The following PLPPR1 variants were observed in gnomAD, a reference collection of about 807,000 sequenced individuals.
The protein encoded by PLPPR1 is phospholipid phosphatase-related protein type 1.
PLPPR1 carries 10 observed loss-of-function variants against 33.1 expected under a neutral mutation model. The ratio of observed to expected loss-of-function variants is 0.30; its 90% CI spans 0.19 to 0.51. The LOEUF (loss-of-function observed/expected upper bound fraction) is 0.51. Ranked by LOEUF, PLPPR1 falls within the 20% of genes least tolerant of loss-of-function variation. The probability of loss-of-function intolerance (pLI) is 0.97; values close to 1 mark genes in which losing one functional copy is unlikely to be tolerated. For synonymous variants in PLPPR1, 151 were observed against 151.0 expected (o/e 1.00, Z 0.00); for missense variants, 304 against 408.1 (o/e 0.74, Z 2.20).
chr9:101,314,697 GA>G (rs1371334661), intron 6 of PLPPR1, among the ~76,000 whole-genome samples: 1 of 150,738 alleles, frequency 6.6e-6, no homozygotes, highest in Non-Finnish European at 1.5e-5. Flanking sequence ...ATGTGCTGTT[GA>G]AAAAATGGTG....
At chr9:101,194,129 G>A (rs985217911) in intron 2 of PLPPR1, among the ~76,000 whole-genome samples, 51 of 152,232 alleles carry the variant, frequency 3.4e-4, no homozygotes, top group Non-Finnish European at 7.1e-4. Context: ...CTCCTTTGAC[G>A]TCTATAACTG....
chr9:101,145,843 CAA>C (rs60592500), intron 1 of PLPPR1, among the ~76,000 whole-genome samples: 81,927 of 128,004 alleles, frequency 0.64, 26,287 homozygotes, highest in Non-Finnish European at 0.72. Flanking sequence ...CTATTTCTAC[CAA>C]AAAAAAAAAA....
At chr9:101,287,682 G>T (rs1828418647) in intron 4 of PLPPR1, among the ~76,000 whole-genome samples, 1 of 151,996 alleles carries the variant, frequency 6.6e-6, no homozygotes, top group Non-Finnish European at 1.5e-5. Context: ...TGCATTTTTA[G>T]TAGAGACGAG....
intron 2 of PLPPR1, among the ~76,000 whole-genome samples, chr9:101,219,512 A>G (rs1325798571): frequency 1.3e-5 from 2 of 152,200 alleles, no homozygotes; most frequent in Admixed American, 6.5e-5. Context: ...AGAATTTGCA[A>G]ATTCTCTCAG....
chr9:101,244,642 A>G (rs1484367480), intron 2 of PLPPR1, among the ~76,000 whole-genome samples: 7 of 151,980 alleles, frequency 4.6e-5, no homozygotes, highest in African/African-American at 1.7e-4. Context: ...ATTTGCACAT[A>G]TAAGTCTCTA....
At chr9:101,137,282 G>T (rs1831388464) in intron 1 of PLPPR1, among the ~76,000 whole-genome samples, 1 of 152,178 alleles carries the variant, frequency 6.6e-6, no homozygotes. Flanking sequence ...GGCAAGAGAA[G>T]CAACTGTTCA....
chr9:101,127,163 G>T (rs10989411), intron 1 of PLPPR1, among the ~76,000 whole-genome samples: 1 of 148,534 alleles, frequency 6.7e-6, no homozygotes, highest in Non-Finnish European at 1.5e-5. Flanking sequence ...CAACTTTCCC[G>T]CTGAGCTTCT....
At chr9:101,179,187 C>A (rs538261678) in intron 1 of PLPPR1, among the ~76,000 whole-genome samples, 1 of 152,094 alleles carries the variant, frequency 6.6e-6, no homozygotes, top group African/African-American at 2.4e-5. Context: ...TATTACCATG[C>A]CTTGTGATTA....
rs140902362 is a variant in PLPPR1, at chr9:101,076,994, G to A, written c.-46+47892G>A. Among the ~76,000 whole-genome samples the A allele has an allele frequency of 1.0e-3, 156 of 152,236 alleles. 2 individuals carry two copies. In the East Asian group the frequency reaches 0.028, roughly 27 times the overall value. ...TTTGTCTGTGCCACAACTATCACAG[G>A]TAGACCTGTGCCACCTCCCATTACT... On this transcript the variant is annotated intron_variant, in intron 1 of 7. Transcript: ENST00000374874.
At chr9:101,119,148 C>T (rs1831148150) in intron 1 of PLPPR1, among the ~76,000 whole-genome samples, 1 of 152,196 alleles carries the variant, frequency 6.6e-6, no homozygotes, top group South Asian at 2.1e-4. Context: ...TCTCCCCAGC[C>T]TTACCATGTT....
chr9:101,277,491 A>G (rs1004197060), intron 3 of PLPPR1, among the ~76,000 whole-genome samples: 2 of 152,210 alleles, frequency 1.3e-5, no homozygotes, highest in African/African-American at 4.8e-5. Context: ...AAGCAATGCA[A>G]GAAATCACGC....
rs759789592 is a variant in PLPPR1 at position 101,280,167 on chromosome 9, G to A, written c.253-5937G>A. 4.8e-4 allele frequency among the ~76,000 whole-genome samples: 73 copies of A among 152,050 alleles called. 2 individuals carry two copies. Among genetic ancestry groups the A allele is most frequent in the Non-Finnish European group, 1.0e-4 (7 of 67,972 alleles). On this transcript the variant is annotated intron_variant, in intron 3 of 7. Coordinates refer to ENST00000374874, the MANE Select transcript of PLPPR1 (RefSeq NM_207299.2). ...TAGAGACTACTATGAGCAGCTATATGTCAATAAATTGCAAAACCTAGAGAA... is the reference window on the plus strand; with the variant it reads ...TAGAGACTACTATGAGCAGCTATATATCAATAAATTGCAAAACCTAGAGAA...
intron 4 of PLPPR1, among the ~76,000 whole-genome samples, chr9:101,303,270 C>G (rs188159531): frequency 1.8e-4 from 28 of 151,404 alleles, no homozygotes; most frequent in Middle Eastern, 3.4e-3. Context: ...GGGGACAAGC[C>G]ACTCTGCCCA....
At chr9:101,240,397 A>T (rs1827437668) in intron 2 of PLPPR1, among the ~76,000 whole-genome samples, 1 of 152,000 alleles carries the variant, frequency 6.6e-6, no homozygotes, top group African/African-American at 2.4e-5. Context: ...GTGGTTCCAT[A>T]CAAATTTTAG....
At chr9:101,221,682 C>T (rs1232522086) in intron 2 of PLPPR1, among the ~76,000 whole-genome samples, 1 of 152,178 alleles carries the variant, frequency 6.6e-6, no homozygotes, top group Non-Finnish European at 1.5e-5. Context: ...GGTGAAGTAA[C>T]TGCCCCAAAT....
chr9:101,224,852 T>C lies in PLPPR1; in HGVS notation c.63+39295T>C, dbSNP rs537736834. Among the ~76,000 whole-genome samples the C allele has an allele frequency of 1.4e-4, 22 of 152,302 alleles. No homozygotes were observed. In the East Asian group the frequency reaches 3.1e-3, roughly 21 times the overall value. On this transcript the variant is annotated intron_variant, in intron 2 of 7. Coordinates refer to ENST00000374874, the MANE Select transcript of PLPPR1 (RefSeq NM_207299.2). ...TGGTGTGAGTGTCCCTCCCATGGGA[T>C]GGCGTCCTGTCCAGGGCTGGTTCCT...
chr9:101,323,708 G>A (rs1326454556), intron 7 of PLPPR1, among the ~76,000 whole-genome samples: 1 of 151,888 alleles, frequency 6.6e-6, no homozygotes, highest in East Asian at 1.9e-4. Context: ...GCATGGTGGT[G>A]CATGCCTGTA....
chr9:101,112,278 CA>C (rs1376365116), intron 1 of PLPPR1, among the ~76,000 whole-genome samples: 4 of 152,076 alleles, frequency 2.6e-5, no homozygotes, highest in African/African-American at 9.7e-5. Context: ...TTTATATTTA[CA>C]TAATAGGCAA....
At position 101,286,232 on chromosome 9, in the gene PLPPR1, C is replaced by T. The variant is rs749882493; in HGVS notation, c.381C>T (p.Phe127=). The T allele has an allele frequency of 4.3e-6, 7 of 1,613,540 alleles. No homozygotes were observed. Among genetic ancestry groups the T allele is most frequent in the Non-Finnish European group, 5.9e-6 (7 of 1,179,664 alleles). ...CCTTACTTCGAAGGATCATAAGATTCACAGGTGAGTACAAGATGGTGCTGA... is the reference window on the plus strand; with the variant it reads ...CCTTACTTCGAAGGATCATAAGATTTACAGGTGAGTACAAGATGGTGCTGA... ...LNPLLRRIIR[F]TGVFAFGLFA... Residue 127 remains phenylalanine (F), a synonymous_variant, in exon 4 of 8, where the codon TTC becomes TTT. Transcript: ENST00000374874.
Sources: gnomAD v4.1 joint callset for allele counts (sites outside exome capture counted in the v4.1 genomes callset) on GRCh38, gnomAD v4.1.1 for gene constraint, MANE v1.5 for transcripts, NCBI Gene and HGNC (gene_info 2026-07-23, HGNC 2026-07-21) for gene names.